The following TMCC1 variants were observed in gnomAD, a reference collection of about 807,000 sequenced individuals.
TMCC1 encodes the protein transmembrane and coiled-coil domains protein 1.
In TMCC1, 15 loss-of-function variants were observed where a neutral mutation model predicts 52.4. The ratio of observed to expected loss-of-function variants is 0.29; its 90% CI spans 0.19 to 0.44. The LOEUF is 0.44. Ranked by LOEUF, TMCC1 falls within the 20% of genes least tolerant of loss-of-function variation. The pLI is 1.00. For missense variants in TMCC1, 503 were observed against 806.0 expected (o/e 0.62, Z 4.55); for synonymous variants, 279 against 301.9 (o/e 0.92, Z 0.79).
intron 2 of TMCC1, among the ~76,000 whole-genome samples, chr3:129,868,598 C>T (rs1465416187): frequency 6.6e-6 from 1 of 152,142 alleles, no homozygotes; most frequent in African/African-American, 2.4e-5. Flanking sequence ...ACCATCATGC[C>T]CAGCTAATTT....
In TMCC1 at chr3:129,698,602, A is replaced by G. The variant is rs560946072; in HGVS notation, c.577-27338T>C. ...TGTGTGCTCAATTTGTACATGAGTT[A>G]TAATTTTACCTTAAGAAAATAACCT... On this transcript the variant is annotated intron_variant, in intron 4 of 6. Coordinates refer to ENST00000393238, the MANE Select transcript of TMCC1 (RefSeq NM_001017395.5). 4.1e-4 allele frequency among the ~76,000 whole-genome samples: 63 copies of G among 152,344 alleles called. 1 individual carries two copies. Among genetic ancestry groups the G allele is most frequent in the African/African-American group, 1.5e-3 (61 of 41,570 alleles).
chr3:129,856,212 T>G (rs2060140055), intron 2 of TMCC1, among the ~76,000 whole-genome samples: 1 of 152,176 alleles, frequency 6.6e-6, no homozygotes. Context: ...TTAAGTAGCG[T>G]GTGGCACTTT....
intron 2 of TMCC1, among the ~76,000 whole-genome samples, chr3:129,840,326 C>CAAAAAAAAA (rs368685429): frequency 2.3e-5 from 2 of 88,276 alleles, no homozygotes; most frequent in African/African-American, 5.0e-5. Flanking sequence ...GAACCTGTCT[C>CAAAAAAAAA]AAAAAAAAAA....
chr3:129,829,480 G>A (rs1336580174), intron 3 of TMCC1, among the ~76,000 whole-genome samples: 1 of 150,816 alleles, frequency 6.6e-6, no homozygotes, highest in Non-Finnish European at 1.5e-5. Context: ...AAAAGGGAGG[G>A]GGGGATGGGA....
At chr3:129,687,236 G>A (rs1362519929) in intron 4 of TMCC1, among the ~76,000 whole-genome samples, 1 of 152,052 alleles carries the variant, frequency 6.6e-6, no homozygotes, top group Non-Finnish European at 1.5e-5. Flanking sequence ...CTCCGAGATA[G>A]GAATATACCT....
At chr3:129,865,456 G>C (rs1281869144) in intron 2 of TMCC1, among the ~76,000 whole-genome samples, 3 of 151,790 alleles carry the variant, frequency 2.0e-5, no homozygotes, top group Non-Finnish European at 4.4e-5. Flanking sequence ...TGGCATCCTT[G>C]CACTTCTTAA....
chr3:129,710,583 C>T (rs1293279399), intron 4 of TMCC1, among the ~76,000 whole-genome samples: 3 of 152,252 alleles, frequency 2.0e-5, no homozygotes, highest in Admixed American at 6.5e-5. Flanking sequence ...TCCAAGTTCA[C>T]GGTTTTTATG....
intron 4 of TMCC1, among the ~76,000 whole-genome samples, chr3:129,702,478 G>A (rs1338011238): frequency 6.6e-6 from 1 of 152,014 alleles, no homozygotes; most frequent in Admixed American, 6.6e-5. Flanking sequence ...CTGTATTGCT[G>A]GAAAACTACC....
intron 4 of TMCC1, among the ~76,000 whole-genome samples, chr3:129,749,779 T>C (rs1048875824): frequency 6.6e-6 from 1 of 152,216 alleles, no homozygotes; most frequent in African/African-American, 2.4e-5. Context: ...AAATCAATGT[T>C]CCAGAAACAC....
chr3:129,798,436 A>G (rs1231892292), intron 4 of TMCC1, among the ~76,000 whole-genome samples: 2 of 151,872 alleles, frequency 1.3e-5, no homozygotes, highest in East Asian at 1.9e-4. Context: ...AGTGCCTTAC[A>G]GAAAGACACA....
At chr3:129,768,251 T>C (rs939936991) in intron 4 of TMCC1, among the ~76,000 whole-genome samples, 6 of 152,184 alleles carry the variant, frequency 3.9e-5, no homozygotes, top group African/African-American at 1.4e-4. Flanking sequence ...TATGTTATAA[T>C]AGATGCCAGG....
chr3:129,839,843 CCACT>C (rs2059342139), intron 2 of TMCC1, among the ~76,000 whole-genome samples: 1 of 151,510 alleles, frequency 6.6e-6, no homozygotes, highest in African/African-American at 2.4e-5. Context: ...CATAATTATG[CCACT>C]GTACTCCAGC....
At chr3:129,819,757 T>TGA (rs1394325608) in intron 4 of TMCC1, 2 of 152,124 alleles carry the variant, frequency 1.3e-5, no homozygotes, top group African/African-American at 4.8e-5. Flanking sequence ...CTCAAAATTA[T>TGA]GATGTGAATG....
At chr3:129,712,086 A>T (rs541559117) in intron 4 of TMCC1, among the ~76,000 whole-genome samples, 15 of 151,318 alleles carry the variant, frequency 9.9e-5, no homozygotes, top group Middle Eastern at 7.0e-3. Flanking sequence ...CTGAGGCAGG[A>T]GAATCACTTG....
intron 4 of TMCC1, among the ~76,000 whole-genome samples, chr3:129,805,915 G>A (rs1325815482): frequency 6.6e-6 from 1 of 151,926 alleles, no homozygotes; most frequent in Non-Finnish European, 1.5e-5. Flanking sequence ...CTGGGCCACA[G>A]AGTAAGACCC....
At chr3:129,790,160 C>G (rs560813658) in intron 4 of TMCC1, among the ~76,000 whole-genome samples, 1 of 152,300 alleles carries the variant, frequency 6.6e-6, no homozygotes, top group Admixed American at 6.5e-5. Flanking sequence ...AAAGTGGCTG[C>G]TGTGAGGCTA....
chr3:129,881,026 G>C (rs2061434716), intron 1 of TMCC1, among the ~76,000 whole-genome samples: 1 of 151,868 alleles, frequency 6.6e-6, no homozygotes, highest in East Asian at 1.9e-4. Flanking sequence ...ACCATGCCAG[G>C]CTAATTTTTG....
intron 2 of TMCC1, among the ~76,000 whole-genome samples, chr3:129,841,903 T>C (rs759915343): frequency 3.9e-5 from 6 of 152,194 alleles, no homozygotes; most frequent in Non-Finnish European, 8.8e-5. Flanking sequence ...TCCCCAGCCA[T>C]GCGGCACTGT....
At chr3:129,875,779 G>A (rs1416278451) in intron 2 of TMCC1, among the ~76,000 whole-genome samples, 1 of 152,138 alleles carries the variant, frequency 6.6e-6, no homozygotes, top group East Asian at 1.9e-4. Flanking sequence ...CACCCACTTT[G>A]GTTATTTACA....
Sources: allele counts gnomAD v4.1 joint callset (sites outside exome capture counted in the v4.1 genomes callset), GRCh38; gene constraint gnomAD v4.1.1; transcripts MANE v1.5; gene names NCBI Gene and HGNC (gene_info 2026-07-23, HGNC 2026-07-21).